Variants in CASP5 observed in about 807,000 individuals in gnomAD.
CASP5 encodes the protein caspase-5.
A neutral mutation model predicts 45.2 loss-of-function variants in CASP5; 42 were observed. The ratio of observed to expected loss-of-function variants is 0.93; its 90% CI spans 0.73 to 1.20. CASP5 has a LOEUF of 1.20. CASP5 is among the 50% of genes most tolerant of loss of function. CASP5 has a pLI of 0.00. For synonymous variants in CASP5, 209 were observed against 186.2 expected (o/e 1.12, Z -1.00); for missense variants, 512 against 532.2 (o/e 0.96, Z 0.37).
Position 105,008,912 on chromosome 11 carries a change from A to G in CASP5, c.76T>C (p.Leu26=), listed in dbSNP as rs759118285. Residue 26 remains leucine, a synonymous_variant, in exon 2 of 10, where the codon TTG becomes CTG. Transcript: ENST00000260315. ...AMFKGILQSG[L]DNFVINHMLK... Reference sequence around the variant, plus strand: ...ATGTGGTTTATCACGAAGTTATCCAATCCACTCTGAAGGATACCTTTGAAC... The same window carrying G: ...ATGTGGTTTATCACGAAGTTATCCAGTCCACTCTGAAGGATACCTTTGAAC... The G allele has an allele frequency of 1.2e-5, 20 of 1,612,458 alleles. No homozygotes were observed. The highest frequency in any genetic ancestry group is 2.2e-5 in the East Asian group (1 of 44,844).
chr11:105,007,975 A>G (rs1253078089), intron 2 of CASP5, among the ~76,000 whole-genome samples: 1 of 152,116 alleles, frequency 6.6e-6, no homozygotes, highest in Non-Finnish European at 1.5e-5. Flanking sequence ...ATTGAAAATA[A>G]TATCATAACT....
At chr11:105,009,720 C>CACACATAT (rs1376205553) in intron 1 of CASP5, among the ~76,000 whole-genome samples, 2 of 64,088 alleles carry the variant, frequency 3.1e-5, no homozygotes, top group African/African-American at 1.0e-4. Context: ...TATATACACA[C>CACACATAT]ATATATATAT....
intron 1 of CASP5, among the ~76,000 whole-genome samples, chr11:105,009,816 T>G: frequency 9.5e-6 from 1 of 105,514 alleles, no homozygotes; most frequent in Non-Finnish European, 1.9e-5. Context: ...TACACACACA[T>G]ATATATATAC....
At chr11:105,000,193 A>G in intron 6 of CASP5, 68 bp downstream of exon 6, 3 of 1,536,946 alleles carry the variant, frequency 2.0e-6, no homozygotes, top group Non-Finnish European at 2.7e-6. Context: ...TCCCCTAAAT[A>G]TAAACCAAAC....
At chr11:105,013,144 A>G (rs1862434621) in intron 1 of CASP5, among the ~76,000 whole-genome samples, 1 of 152,012 alleles carries the variant, frequency 6.6e-6, no homozygotes, top group South Asian at 2.1e-4. Flanking sequence ...ATAACATTAC[A>G]TTAAATAAAA....
Position 105,003,295 on chromosome 11 carries a change from C to T in CASP5, c.522G>A (p.Leu174=). ...KLCPREEFLR[L]CKKNHDEIYP... ...GCACCTCATCATGATTTTTTTTACA[C>T]AGTCTCAGGAATTCTTCACGAGGAC... The change falls in exon 4 of 10, where the codon CTG becomes CTA. Residue 174 remains leucine (L), a synonymous_variant. Transcript: ENST00000260315. 6.2e-7 allele frequency: 1 copy of T among 1,602,014 alleles called. No homozygotes were observed.
rs142438968 is a variant in CASP5 at position 105,002,167 on chromosome 11, C to T, written c.578G>A (p.Arg193His). 1.2e-5 allele frequency: 19 copies of T among 1,613,964 alleles called. No homozygotes were observed. Among genetic ancestry groups the T allele is most frequent in the Non-Finnish European group, 1.4e-5 (17 of 1,180,000 alleles). ...TGTATTGCATATGATGAGAGCCAGG[C>T]GTCTGCGGTCCTCTCTCTTTTTTAT... ...YPIKKREDRR[R>H]LALIICNTKF... Residue 193 changes from arginine (R) to histidine (H), a missense_variant, in exon 5 of 10, where the codon CGC becomes CAC. By Grantham distance (29) the Arg-to-His change is conservative. Coordinates refer to ENST00000260315, the MANE Select transcript of CASP5 (RefSeq NM_004347.5).
Position 105,003,265 on chromosome 11 carries a change from G to A in CASP5, c.543+9C>T, listed in dbSNP as rs184984254. 3.4e-6 allele frequency: 5 copies of A among 1,457,736 alleles called. No individual in the cohort carries two copies. Among genetic ancestry groups the A allele is most frequent in the Non-Finnish European group, 3.8e-6 (4 of 1,041,410 alleles). 90.3% of individuals were successfully genotyped at this position (1,457,736 alleles called of 1,614,324 possible). A position where few individuals can be genotyped will look rare whatever the true frequency, so the allele number is the denominator to read the frequency against. On this transcript the variant is annotated intron_variant, in intron 4 of 9. Transcript: ENST00000260315. ...TCTTCTTCCCCATTTCATACAGAGA[G>A]CACAGCACCTCATCATGATTTTTTT...
intron 1 of CASP5, among the ~76,000 whole-genome samples, chr11:105,016,442 T>G (rs924111890): frequency 2.6e-5 from 4 of 152,118 alleles, no homozygotes; most frequent in African/African-American, 7.2e-5. Context: ...CGCAGGTCAG[T>G]GGGTGCGTGC....
chr11:105,016,942 C>T (rs1862641891), intron 1 of CASP5, among the ~76,000 whole-genome samples: 2 of 151,576 alleles, frequency 1.3e-5, no homozygotes, highest in South Asian at 4.2e-4. Flanking sequence ...GTTCTCCCAG[C>T]ACGCAGCTGG....
At position 105,001,910 on chromosome 11, in the gene CASP5, A is replaced by ACG. The variant is rs1555077285; in HGVS notation, c.717+117_717+118insCG. On this transcript the variant is annotated intron_variant, in intron 5 of 9. Transcript: ENST00000260315. ...CATGTGCGCATGTACACACACACAC[A>ACG]CACACGCACACGAACCCAGAGGTTG... 22 of 883,898 alleles carry ACG rather than the reference A, an allele frequency of 2.5e-5. No individual in the cohort carries two copies. In the African/African-American group the frequency reaches 3.1e-4, roughly 12 times the overall value. The allele number at this position is 883,898 out of a possible 1,614,324, so 54.8% of individuals were successfully genotyped here.
In CASP5 at chr11:105,002,191, A is replaced by G. The variant is rs986047418; in HGVS notation, c.554T>C (p.Ile185Thr). The G allele has an allele frequency of 7.4e-6, 12 of 1,613,928 alleles. No individual in the cohort carries two copies. The highest frequency in any genetic ancestry group is 1.6e-4 in the Middle Eastern group (1 of 6,062). The change falls in exon 5 of 10, where the codon ATA becomes ACA. Residue 185 changes from isoleucine to threonine, a missense_variant. Coordinates refer to ENST00000260315, the MANE Select transcript of CASP5 (RefSeq NM_004347.5). ...CKKNHDEIYP[I>T]KKREDRRRLA... is the part of the protein sequence containing the mutation. ...GCGTCTGCGGTCCTCTCTCTTTTTT[A>G]TTGGATAGATCTGCAGGAGATGGAG...
At chr11:104,998,229 G>A (rs1338552133) in intron 7 of CASP5, among the ~76,000 whole-genome samples, 2 of 152,124 alleles carry the variant, frequency 1.3e-5, no homozygotes, top group African/African-American at 4.8e-5. Flanking sequence ...CATTAAATAT[G>A]TACAGTTTTC....
At chr11:105,005,113 T>C (rs1861939497) in intron 3 of CASP5, among the ~76,000 whole-genome samples, 1 of 152,074 alleles carries the variant, frequency 6.6e-6, no homozygotes, top group Admixed American at 6.6e-5. Context: ...AGCCTGGCAG[T>C]GCAACAGGAA....
chr11:105,007,046 A>G, intron 3 of CASP5, 37 bp downstream of exon 3: 1 of 1,570,346 alleles, frequency 6.4e-7, no homozygotes, highest in Non-Finnish European at 8.7e-7. Flanking sequence ...ATATTCTGGA[A>G]AATTTAACAT....
At chr11:105,022,997 T>C (rs559719423) in intron 1 of CASP5, 133 bp downstream of exon 1, 17 of 805,870 alleles carry the variant, frequency 2.1e-5, no homozygotes, top group African/African-American at 1.2e-4. Flanking sequence ...ATACCACCAA[T>C]AAGAGAAAGA....
intron 1 of CASP5, among the ~76,000 whole-genome samples, chr11:105,015,844 T>C (rs1023003003): frequency 6.6e-6 from 1 of 152,120 alleles, no homozygotes; most frequent in Non-Finnish European, 1.5e-5. Flanking sequence ...TGGAGATAAT[T>C]AAGCTAGTGG....
chr11:105,000,445 G>T lies in CASP5; in HGVS notation c.768C>A (p.Ser256=). 6.2e-7 allele frequency: 1 copy of T among 1,614,148 alleles called. No homozygotes were observed. Among genetic ancestry groups the T allele is most frequent in the South Asian group, 1.1e-5 (1 of 91,084 alleles). The change falls in exon 6 of 10, where the codon TCC becomes TCA. Residue 256 remains serine (S), a synonymous_variant. Coordinates refer to ENST00000260315, the MANE Select transcript of CASP5 (RefSeq NM_004347.5). ...RAFAARPEHK[S]SDSTFLVLMS... ...TGAGTACCAAGAACGTGCTGTCAGA[G>T]GACTTGTGCTCTGGTCTGGCAGCAA... is the stretch of plus-strand genomic sequence containing the variant.
intron 5 of CASP5, among the ~76,000 whole-genome samples, chr11:105,001,401 T>C (rs1225694666): frequency 6.6e-6 from 1 of 152,204 alleles, no homozygotes; most frequent in Non-Finnish European, 1.5e-5. Context: ...GTGCGGTGGC[T>C]CACGCCTGTA....
Sources: gnomAD v4.1 joint callset for allele counts (sites outside exome capture counted in the v4.1 genomes callset) on GRCh38, gnomAD v4.1.1 for gene constraint, MANE v1.5 for transcripts, NCBI Gene and HGNC (gene_info 2026-07-23, HGNC 2026-07-21) for gene names.